IGF2BP2: variants seen among roughly 807,000 people sequenced by gnomAD.
IGF2BP2 encodes the protein insulin like growth factor 2 mRNA binding protein 2, also known as insulin-like growth factor 2 mRNA-binding protein 2.
IGF2BP2 carries 17 observed loss-of-function variants against 75.8 expected under a neutral mutation model. The ratio of observed to expected loss-of-function variants is 0.22; its 90% CI spans 0.15 to 0.34. The LOEUF is 0.34. Among genes scored for constraint, IGF2BP2 ranks in the 10% least tolerant of loss-of-function variants. The pLI, the probability that IGF2BP2 is intolerant of heterozygous loss-of-function variation, is 1.00. For synonymous variants in IGF2BP2, 288 were observed against 295.6 expected (o/e 0.97, Z 0.26); for missense variants, 516 against 772.4 (o/e 0.67, Z 3.93).
chr3:185,796,181 A>C (rs971800874), intron 2 of IGF2BP2, among the ~76,000 whole-genome samples: 13 of 152,172 alleles, frequency 8.5e-5, no homozygotes, highest in Non-Finnish European at 1.5e-5. Flanking sequence ...TATGTCTTTT[A>C]ATCATTTTTT....
At chr3:185,672,765 G>A (rs1401209687) in intron 9 of IGF2BP2, 96 bp from the exon 10 acceptor site, 5 of 1,395,706 alleles carry the variant, frequency 3.6e-6, no homozygotes, top group Non-Finnish European at 4.0e-6. Flanking sequence ...TGGCACCAGC[G>A]TCTCCTAATC....
At chr3:185,703,470 T>C (rs1048420229) in intron 2 of IGF2BP2, among the ~76,000 whole-genome samples, 5 of 152,060 alleles carry the variant, frequency 3.3e-5, no homozygotes, top group African/African-American at 1.2e-4. Context: ...TATTTAACTA[T>C]TGAGGAACCT....
At chr3:185,766,586 T>C (rs1733102553) in intron 2 of IGF2BP2, among the ~76,000 whole-genome samples, 1 of 152,254 alleles carries the variant, frequency 6.6e-6, no homozygotes, top group Non-Finnish European at 1.5e-5. Context: ...CAGAGTTGAA[T>C]AGGTACTAAA....
chr3:185,675,705 A>T (rs1719229635), intron 8 of IGF2BP2, 86 bp downstream of exon 8: 1 of 1,473,776 alleles, frequency 6.8e-7, no homozygotes, highest in Admixed American at 2.1e-5. Context: ...TTCCCATTTT[A>T]GGGAAAAGTA....
At chr3:185,747,701 T>C (rs1578179418) in intron 2 of IGF2BP2, among the ~76,000 whole-genome samples, 1 of 151,930 alleles carries the variant, frequency 6.6e-6, no homozygotes, top group East Asian at 1.9e-4. Flanking sequence ...ATAAATAAAA[T>C]AGTCCATATA....
chr3:185,644,259 T>C lies in IGF2BP2; in HGVS notation c.*1272A>G, dbSNP rs1451876570. On this transcript the variant is annotated 3_prime_UTR_variant, in exon 16 of 16. Coordinates refer to ENST00000382199, the MANE Select transcript of IGF2BP2 (RefSeq NM_006548.6). Reference sequence around the variant, plus strand: ...CTGTGTGTTTTTCTCGTTAAAAAAATCTGTGAATTTAACGCCCTGGGCCAA... The same window carrying C: ...CTGTGTGTTTTTCTCGTTAAAAAAACCTGTGAATTTAACGCCCTGGGCCAA... 1 of 152,410 alleles carries C rather than the reference T, an allele frequency of 6.6e-6. No individual in the cohort carries two copies. Among genetic ancestry groups the C allele is most frequent in the African/African-American group, 2.4e-5 (1 of 41,386 alleles). The allele number at this position is 152,410 out of a possible 1,614,324, so 9.4% of individuals were successfully genotyped here.
At chr3:185,822,079 T>C (rs1417939216) in intron 2 of IGF2BP2, among the ~76,000 whole-genome samples, 1 of 152,180 alleles carries the variant, frequency 6.6e-6, no homozygotes, top group African/African-American at 2.4e-5. Flanking sequence ...TTCTGTTGCT[T>C]ACTTAAAATA....
At position 185,807,049 on chromosome 3, in the gene IGF2BP2, G is replaced by A. The variant is rs568556566; in HGVS notation, c.239+16104C>T. Among the ~76,000 whole-genome samples the A allele has an allele frequency of 4.6e-5, 7 of 152,112 alleles. No individual in the cohort carries two copies. The South Asian group carries it at 1.2e-3, about 27-fold the overall frequency. On this transcript the variant is annotated intron_variant, in intron 2 of 15. Coordinates refer to ENST00000382199, the MANE Select transcript of IGF2BP2 (RefSeq NM_006548.6). ...AGTATGGCACAATTCTGGAGCAATC[G>A]GACCTCACCCAGATACAAAAATAGC...
chr3:185,694,494 A>G (rs1390601698), intron 4 of IGF2BP2, among the ~76,000 whole-genome samples: 1 of 152,234 alleles, frequency 6.6e-6, no homozygotes, highest in Non-Finnish European at 1.5e-5. Context: ...TTCACTGGGC[A>G]TGAAAGTTCT....
chr3:185,649,294 C>G (rs1226991666), intron 14 of IGF2BP2, 109 bp downstream of exon 14: 2 of 1,409,798 alleles, frequency 1.4e-6, no homozygotes, highest in Non-Finnish European at 1.9e-6. Context: ...GCCAAAGACC[C>G]TGACTGTACA....
chr3:185,669,969 G>A (rs1718269873), intron 10 of IGF2BP2, among the ~76,000 whole-genome samples: 1 of 152,124 alleles, frequency 6.6e-6, no homozygotes, highest in Admixed American at 6.5e-5. Flanking sequence ...GGGCAGTGAG[G>A]GCCGCCTCCA....
chr3:185,742,578 G>A (rs1729710677), intron 2 of IGF2BP2, among the ~76,000 whole-genome samples: 1 of 151,746 alleles, frequency 6.6e-6, no homozygotes, highest in Admixed American at 6.6e-5. Flanking sequence ...GATCACTCGA[G>A]CCCAGGAGTT....
chr3:185,809,173 G>T (rs1739463826), intron 2 of IGF2BP2, among the ~76,000 whole-genome samples: 2 of 146,422 alleles, frequency 1.4e-5, no homozygotes, highest in African/African-American at 2.5e-5. Flanking sequence ...AATTTTTAAT[G>T]GAATTTGACT....
At chr3:185,686,201 T>G (rs190235992) in intron 7 of IGF2BP2, among the ~76,000 whole-genome samples, 1 of 152,034 alleles carries the variant, frequency 6.6e-6, no homozygotes, top group Non-Finnish European at 1.5e-5. Flanking sequence ...CTGGCCAACA[T>G]GGTGAAACCT....
chr3:185,665,347 G>C (rs866261666), intron 10 of IGF2BP2, among the ~76,000 whole-genome samples: 3 of 125,154 alleles, frequency 2.4e-5, no homozygotes, highest in African/African-American at 9.1e-5. Flanking sequence ...GGAGGAGAAG[G>C]AGGAGGAGGA....
chr3:185,820,293 T>C (rs563733623), intron 2 of IGF2BP2, among the ~76,000 whole-genome samples: 1 of 148,954 alleles, frequency 6.7e-6, no homozygotes, highest in East Asian at 2.0e-4. Flanking sequence ...AAGTTAACCT[T>C]CAACAACACC....
At position 185,774,793 on chromosome 3, in the gene IGF2BP2, C is replaced by T. The variant is rs188462166; in HGVS notation, c.239+48360G>A. On this transcript the variant is annotated intron_variant, in intron 2 of 15. Transcript: ENST00000382199. ...CCAAGGTGGGCAGATCACAAGGTCA[C>T]GGCAGATCACAAGGTCAGGAGTATC... is the stretch of plus-strand genomic sequence containing the variant. Among the ~76,000 whole-genome samples, 115 of 151,874 alleles carry T rather than the reference C, an allele frequency of 7.6e-4. 1 individual carries two copies. The highest frequency in any genetic ancestry group is 3.2e-3 in the Admixed American group (48 of 15,226).
chr3:185,652,141 T>C lies in IGF2BP2; in HGVS notation c.1414A>G (p.Ser472Gly). Residue 472 changes from serine (S) to glycine (G), a missense_variant, in exon 13 of 16, where the codon AGC becomes GGC. Physicochemically the swap from Ser to Gly is moderately conservative, Grantham distance 56 (BLOSUM62 0). Transcript: ENST00000382199. ...CCGGTGATGATGACCATCCTTTCGC[T>C]GACGTCTGGGCCTTCCGCAGGGGCA... Reference protein sequence around the residue: ...KIAPAEGPDVSERMVIITGPP... With the variant: ...KIAPAEGPDVGERMVIITGPP... 1 of 1,613,186 alleles carries C rather than the reference T, an allele frequency of 6.2e-7. No homozygotes were observed. Among genetic ancestry groups the C allele is most frequent in the Non-Finnish European group, 8.5e-7 (1 of 1,179,410 alleles).
intron 9 of IGF2BP2, among the ~76,000 whole-genome samples, chr3:185,674,176 C>A (rs1307088067): frequency 6.6e-6 from 1 of 152,014 alleles, no homozygotes; most frequent in Non-Finnish European, 1.5e-5. Context: ...AGTGCTTTGT[C>A]GACATTTATT....
Sources: allele counts gnomAD v4.1 joint callset (sites outside exome capture counted in the v4.1 genomes callset), GRCh38; gene constraint gnomAD v4.1.1; transcripts MANE v1.5; gene names NCBI Gene and HGNC (gene_info 2026-07-23, HGNC 2026-07-21).